CEP128: variants seen among roughly 807,000 people sequenced by gnomAD.
CEP128 encodes the protein centrosomal protein 128.
Under a neutral mutation model 156.7 loss-of-function variants are expected in CEP128, and 132 were observed. That is an observed-to-expected ratio of 0.84 (90% CI 0.73 to 0.97). CEP128 has a LOEUF of 0.97. Among genes scored for constraint, CEP128 ranks in the 50% least tolerant of loss-of-function variants. The pLI is 0.00. For synonymous variants in CEP128, 469 were observed against 448.9 expected (o/e 1.04, Z -0.57); for missense variants, 1,252 against 1,281.9 (o/e 0.98, Z 0.36).
chr14:80,895,652 G>A (rs887717173), intron 8 of CEP128, 66 bp downstream of exon 8: 1 of 1,155,974 alleles, frequency 8.7e-7, no homozygotes. Context: ...ACTTCACTGT[G>A]ATTATGACCA....
intron 19 of CEP128, among the ~76,000 whole-genome samples, chr14:80,719,173 T>C (rs539645453): frequency 6.6e-5 from 10 of 152,302 alleles, no homozygotes; most frequent in African/African-American, 2.2e-4. Flanking sequence ...CCCCATTCCA[T>C]GGCAACAATG....
intron 21 of CEP128, among the ~76,000 whole-genome samples, chr14:80,532,991 T>C (rs1195281241): frequency 6.6e-6 from 1 of 152,194 alleles, no homozygotes; most frequent in Non-Finnish European, 1.5e-5. Context: ...TTAACATTTA[T>C]ATTATTGTTA....
At chr14:80,622,215 T>C (rs1893509064) in intron 19 of CEP128, among the ~76,000 whole-genome samples, 1 of 152,186 alleles carries the variant, frequency 6.6e-6, no homozygotes, top group African/African-American at 2.4e-5. Flanking sequence ...TCTAAGTTTT[T>C]TACTTTTTGA....
At chr14:80,722,090 C>T (rs535035519) in intron 19 of CEP128, among the ~76,000 whole-genome samples, 27 of 152,218 alleles carry the variant, frequency 1.8e-4, no homozygotes, top group Middle Eastern at 3.4e-3. Flanking sequence ...TAGTAGTTCT[C>T]TAAAAGAAAT....
intron 14 of CEP128, among the ~76,000 whole-genome samples, chr14:80,479,724 A>G (rs1887014565): frequency 6.6e-6 from 1 of 152,318 alleles, no homozygotes; most frequent in Admixed American, 6.5e-5. Flanking sequence ...TGCTTTCCCA[A>G]CAGTCCCTGA....
rs1360277217 is a variant in CEP128 at position 80,741,826 on chromosome 14, G to A, written c.2806+1249C>T. 2.6e-5 allele frequency among the ~76,000 whole-genome samples: 4 copies of A among 151,720 alleles called. No individual in the cohort carries two copies. In the South Asian group the frequency reaches 6.3e-4, roughly 24 times the overall value. ...ATATCTAAACTTAATCAGTAGTTTC[G>A]CTGCCTTTCACCTTCTCTATGTGTA... is the stretch of plus-strand genomic sequence containing the variant. On this transcript the variant is annotated intron_variant, in intron 19 of 24. Coordinates refer to ENST00000555265, the MANE Select transcript of CEP128 (RefSeq NM_152446.5).
rs199544885 is a variant in CEP128, at chr14:80,831,286, G to C, written c.1066C>G (p.Arg356Gly). The change falls in exon 13 of 25, where the codon CGG becomes GGG. Residue 356 changes from arginine (R) to glycine (G), a missense_variant. Arg to Gly is a moderately radical substitution (Grantham distance 125, BLOSUM62 -2). Coordinates refer to ENST00000555265, the MANE Select transcript of CEP128 (RefSeq NM_152446.5). Reference sequence around the variant, plus strand: ...TGCTTCTCCAGGTCCTGTTTTTCCCGCTCAACCCCTTAAAAGATAAAATGT... The same window carrying C: ...TGCTTCTCCAGGTCCTGTTTTTCCCCCTCAACCCCTTAAAAGATAAAATGT... ...EDWRFRRGVEREKQDLEKQMS... is the reference protein window; with the variant it reads ...EDWRFRRGVEGEKQDLEKQMS... 4.3e-6 allele frequency: 7 copies of C among 1,613,400 alleles called. No individual in the cohort carries two copies. The African/African-American group carries it at 8.0e-5, about 18-fold the overall frequency.
At chr14:80,918,219 G>A (rs1486269981) in intron 2 of CEP128, among the ~76,000 whole-genome samples, 1 of 152,200 alleles carries the variant, frequency 6.6e-6, no homozygotes, top group African/African-American at 2.4e-5. Context: ...ATTTTCTTTA[G>A]AAGACAAGAC....
At chr14:80,810,615 A>G (rs1197955928) in intron 13 of CEP128, among the ~76,000 whole-genome samples, 17 of 152,010 alleles carry the variant, frequency 1.1e-4, no homozygotes. Flanking sequence ...GGTTATGTCC[A>G]TGTCTGGTTT....
At chr14:80,844,046 T>C (rs549432064) in intron 9 of CEP128, among the ~76,000 whole-genome samples, 23 of 152,226 alleles carry the variant, frequency 1.5e-4, no homozygotes, top group African/African-American at 4.8e-4. Flanking sequence ...TTCTAAATTA[T>C]GCTTTTTCTC....
intron 8 of CEP128, among the ~76,000 whole-genome samples, chr14:80,885,975 C>T (rs1168503567): frequency 7.3e-5 from 11 of 151,594 alleles, no homozygotes; most frequent in African/African-American, 2.2e-4. Flanking sequence ...GAGAACTTCG[C>T]GAAGCATAGA....
At chr14:80,932,632 C>A (rs1274855986) in intron 2 of CEP128, among the ~76,000 whole-genome samples, 1 of 152,088 alleles carries the variant, frequency 6.6e-6, no homozygotes, top group Non-Finnish European at 1.5e-5. Flanking sequence ...TCCCATGACC[C>A]CAAGACGGGA....
At chr14:80,517,865 C>T (rs547262399) in intron 23 of CEP128, among the ~76,000 whole-genome samples, 1 of 151,994 alleles carries the variant, frequency 6.6e-6, no homozygotes, top group Non-Finnish European at 1.5e-5. Flanking sequence ...GGAACAATGG[C>T]GAGCCTTTAT....
At chr14:80,769,795 A>C (rs1900425752) in intron 16 of CEP128, among the ~76,000 whole-genome samples, 1 of 152,222 alleles carries the variant, frequency 6.6e-6, no homozygotes, top group South Asian at 2.1e-4. Flanking sequence ...AAACAACAAA[A>C]TGAATTGAGT....
At chr14:80,706,401 T>C (rs1466608667) in intron 19 of CEP128, among the ~76,000 whole-genome samples, 1 of 151,894 alleles carries the variant, frequency 6.6e-6, no homozygotes, top group Non-Finnish European at 1.5e-5. Flanking sequence ...TTATTAAGTA[T>C]TCCTCAGTTT....
chr14:80,824,261 G>C (rs1314443516), intron 13 of CEP128, among the ~76,000 whole-genome samples: 1 of 152,218 alleles, frequency 6.6e-6, no homozygotes, highest in African/African-American at 2.4e-5. Flanking sequence ...CTTGTGATGG[G>C]AGGGGCTACT....
At chr14:80,622,905 T>C (rs1426925666) in intron 19 of CEP128, among the ~76,000 whole-genome samples, 1 of 151,348 alleles carries the variant, frequency 6.6e-6, no homozygotes, top group African/African-American at 2.4e-5. Flanking sequence ...GTGTGGCGAT[T>C]CCTCAGGGAT....
intron 19 of CEP128, among the ~76,000 whole-genome samples, chr14:80,584,913 C>T (rs1891752889): frequency 6.6e-6 from 1 of 152,224 alleles, no homozygotes. Flanking sequence ...CTCCCTTGCT[C>T]ACCACTGACA....
At chr14:80,526,585 C>A in intron 23 of CEP128, 1 of 228,842 alleles carries the variant, frequency 4.4e-6, no homozygotes, top group Non-Finnish European at 8.5e-6. Context: ...ACCAAGTGAC[C>A]AGGGGTTTCT....
Sources: gnomAD v4.1 joint callset for allele counts (sites outside exome capture counted in the v4.1 genomes callset) on GRCh38, gnomAD v4.1.1 for gene constraint, MANE v1.5 for transcripts, NCBI Gene and HGNC (gene_info 2026-07-23, HGNC 2026-07-21) for gene names.